SH3TC2: variants seen among roughly 807,000 people sequenced by gnomAD.
The protein encoded by SH3TC2 is SH3 domain and tetratricopeptide repeat-containing protein 2.
In SH3TC2, 87 loss-of-function variants were observed where a neutral mutation model predicts 124.5. The observed-to-expected ratio is 0.70, with a 90% confidence interval of 0.59 to 0.84. SH3TC2 has a LOEUF of 0.84. SH3TC2 is among the 40% of genes least tolerant of loss of function. SH3TC2 has a pLI of 0.00. For missense variants in SH3TC2, 1,536 were observed against 1,566.4 expected (o/e 0.98, Z 0.33); for synonymous variants, 634 against 628.5 (o/e 1.01, Z -0.13).
At chr5:149,030,832 A>G (rs1169621633) in intron 9 of SH3TC2, among the ~76,000 whole-genome samples, 1 of 152,238 alleles carries the variant, frequency 6.6e-6, no homozygotes, top group Non-Finnish European at 1.5e-5. Flanking sequence ...AGAAACAAAA[A>G]TTCTTCCTCA....
In SH3TC2 at chr5:148,989,817, C is replaced by T. The variant is rs17109192; in HGVS notation, c.*14894G>A. Among the ~76,000 whole-genome samples, 1,447 of 152,154 alleles carry T rather than the reference C, an allele frequency of 9.5e-3. 13 individuals are homozygous for T. Among genetic ancestry groups the T allele is most frequent in the African/African-American group, 0.033 (1,358 of 41,502 alleles). On this transcript the variant is annotated 3_prime_UTR_variant, in exon 17 of 17. Coordinates refer to ENST00000515425, the MANE Select transcript of SH3TC2 (RefSeq NM_024577.4). ...GGTATTCAGAAGCAGCTGGAATGAA[C>T]GGAGAGAGAAGAACTATATAGCAAC...
intron 10 of SH3TC2, 58 bp downstream of exon 10, chr5:149,028,619 G>A: frequency 6.2e-7 from 1 of 1,614,212 alleles, no homozygotes; most frequent in Non-Finnish European, 8.5e-7. Flanking sequence ...CTCTTGGCAA[G>A]AGGACAGAAG....
chr5:148,996,833 C>A lies in SH3TC2; in HGVS notation c.*7878G>T, dbSNP rs1446192072. Among the ~76,000 whole-genome samples the A allele has an allele frequency of 6.6e-6, 1 of 152,124 alleles. No individual in the cohort carries two copies. The highest frequency in any genetic ancestry group is 1.5e-5 in the Non-Finnish European group (1 of 68,034). On this transcript the variant is annotated 3_prime_UTR_variant, in exon 17 of 17. Coordinates refer to ENST00000515425, the MANE Select transcript of SH3TC2 (RefSeq NM_024577.4). The stretch of plus-strand genomic sequence containing the variant: ...ACAGATCATGTTTAACTATGGTCCG[C>A]TAGATTTGGAAGGTTAAAATAAAAG...
rs116062126 is a variant in SH3TC2 at position 149,015,722 on chromosome 5, C to T, written c.3054-2988G>A. Among the ~76,000 whole-genome samples, 85 of 152,318 alleles carry T rather than the reference C, an allele frequency of 5.6e-4. No homozygotes were observed. In the Middle Eastern group the frequency reaches 0.01, roughly 18 times the overall value. On this transcript the variant is annotated intron_variant, in intron 12 of 16. Transcript: ENST00000515425. ...CATTTCCAGACTTCCTCTTACCACC[C>T]GCTGCTGGGGCTTCCCAGGTCCCTG...
chr5:149,028,768 A>G (rs752843564), intron 9 of SH3TC2, 50 bp from the exon 10 acceptor site: 1 of 1,594,092 alleles, frequency 6.3e-7, no homozygotes, highest in Non-Finnish European at 8.6e-7. Flanking sequence ...ATGGGCCACC[A>G]TGCCCATGCC....
At chr5:149,034,390 C>T (rs1325827183) in intron 8 of SH3TC2, 1 of 281,682 alleles carries the variant, frequency 3.6e-6, no homozygotes, top group Non-Finnish European at 7.1e-6. Context: ...GTCCAACGTA[C>T]CTCTAATAGG....
intron 12 of SH3TC2, among the ~76,000 whole-genome samples, chr5:149,023,314 C>T (rs556909880): frequency 9.9e-5 from 15 of 152,092 alleles, no homozygotes; most frequent in South Asian, 8.3e-4. Flanking sequence ...TATTTTTAAA[C>T]GAGAAAAGCA....
At chr5:149,011,170 A>G (rs944466575) in intron 13 of SH3TC2, among the ~76,000 whole-genome samples, 5 of 152,252 alleles carry the variant, frequency 3.3e-5, no homozygotes, top group Non-Finnish European at 5.9e-5. Flanking sequence ...TTGACCCTGC[A>G]CAACATCAGT....
In SH3TC2 at chr5:148,994,637, TG is replaced by T. The variant is rs1753475664; in HGVS notation, c.*10073del. On this transcript the variant is annotated 3_prime_UTR_variant, in exon 17 of 17. Coordinates refer to ENST00000515425, the MANE Select transcript of SH3TC2 (RefSeq NM_024577.4). ...TTGGTTGGTTGGTTGGTTGGTTGGT[TG>T]GTTGGTTGGTTGGTTGGTTGGTTAA... 1.3e-5 allele frequency among the ~76,000 whole-genome samples: 2 copies of T among 151,764 alleles called. No homozygotes were observed. Among genetic ancestry groups the T allele is most frequent in the Middle Eastern group, 3.4e-3 (1 of 294 alleles).
intron 1 of SH3TC2, among the ~76,000 whole-genome samples, chr5:149,057,173 A>G (rs545004526): frequency 6.6e-6 from 1 of 152,328 alleles, no homozygotes; most frequent in Admixed American, 6.5e-5. Flanking sequence ...ACTTTAATCT[A>G]CTATTTAAAT....
intron 11 of SH3TC2, 31 bp from the exon 12 acceptor site, chr5:149,026,783 G>T: frequency 1.2e-6 from 2 of 1,614,180 alleles, no homozygotes; most frequent in South Asian, 1.1e-5. Context: ...TGAATGAGAT[G>T]ACTTGAGATA....
rs1175216581 is a variant in SH3TC2 at position 148,984,661 on chromosome 5, A to C, written c.*20050T>G. Among the ~76,000 whole-genome samples the C allele has an allele frequency of 6.6e-6, 1 of 152,202 alleles. No homozygotes were observed. Among genetic ancestry groups the C allele is most frequent in the Non-Finnish European group, 1.5e-5 (1 of 68,024 alleles). On this transcript the variant is annotated 3_prime_UTR_variant, in exon 17 of 17. Coordinates refer to ENST00000515425, the MANE Select transcript of SH3TC2 (RefSeq NM_024577.4). ...GTTGGCATATAGGAAGGAATTTGTC[A>C]GCATGTATCCCTGAAGGGTAAATGT...
chr5:149,004,601 G>A lies in SH3TC2; in HGVS notation c.*110C>T. 2 of 1,127,698 alleles carry A rather than the reference G, an allele frequency of 1.8e-6. No homozygotes were observed. Among genetic ancestry groups the A allele is most frequent in the Non-Finnish European group, 2.5e-6 (2 of 797,826 alleles). 69.9% of individuals were successfully genotyped at this position (1,127,698 alleles called of 1,614,324 possible). A position where few individuals can be genotyped will look rare whatever the true frequency, so the allele number is the denominator to read the frequency against. On this transcript the variant is annotated 3_prime_UTR_variant, in exon 17 of 17. Coordinates refer to ENST00000515425, the MANE Select transcript of SH3TC2 (RefSeq NM_024577.4). ...CTTCATTCTTCTTCTTGTGAAATGA[G>A]GGGGCTAGGCCAGGTAAGGACTCGG...
intron 7 of SH3TC2, 98 bp from the exon 8 acceptor site, chr5:149,038,588 T>C (rs1451083525): frequency 3.1e-6 from 4 of 1,305,536 alleles, no homozygotes; most frequent in Admixed American, 3.4e-5. Flanking sequence ...TCCCAGACTT[T>C]AGAATGTCAA....
intron 12 of SH3TC2, chr5:149,025,945 A>G (rs1324924045): frequency 6.5e-6 from 1 of 153,130 alleles, no homozygotes; most frequent in African/African-American, 2.4e-5. Flanking sequence ...TCTAAGACTT[A>G]ATGCAAAGTT....
At chr5:149,013,690 CTCCCTCCATGTCAA>C in intron 12 of SH3TC2, among the ~76,000 whole-genome samples, 1 of 152,258 alleles carries the variant, frequency 6.6e-6, no homozygotes, top group East Asian at 1.9e-4. Context: ...GTAGAAAACT[CTCCCTCCATGTCAA>C]TGGAGGGACC....
chr5:149,060,515 GT>G (rs1390003539), intron 1 of SH3TC2, among the ~76,000 whole-genome samples: 1 of 152,172 alleles, frequency 6.6e-6, no homozygotes, highest in Non-Finnish European at 1.5e-5. Context: ...ACACAAACTA[GT>G]CTGGCAGCTG....
At chr5:149,010,021 CT>C (rs1753757304) in intron 14 of SH3TC2, among the ~76,000 whole-genome samples, 1 of 152,074 alleles carries the variant, frequency 6.6e-6, no homozygotes, top group African/African-American at 2.4e-5. Flanking sequence ...ATCTCCTGGA[CT>C]CAATTATTTT....
In SH3TC2 at chr5:148,987,289, T is replaced by C. The variant is rs527281269; in HGVS notation, c.*17422A>G. On this transcript the variant is annotated 3_prime_UTR_variant, in exon 17 of 17. Transcript: ENST00000515425. ...TCACCATTGGGAATGTTCAGGAATA[T>C]TCTCATTGGATTGCAAGTGCCAAGA... 2.8e-4 allele frequency among the ~76,000 whole-genome samples: 42 copies of C among 152,358 alleles called. No individual in the cohort carries two copies. Among genetic ancestry groups the C allele is most frequent in the African/African-American group, 9.6e-4 (40 of 41,600 alleles).
Sources: gnomAD v4.1 joint callset for allele counts (sites outside exome capture counted in the v4.1 genomes callset) on GRCh38, gnomAD v4.1.1 for gene constraint, MANE v1.5 for transcripts, NCBI Gene and HGNC (gene_info 2026-07-23, HGNC 2026-07-21) for gene names.